INO80E: variants seen among roughly 807,000 people sequenced by gnomAD.
INO80E encodes INO80 complex subunit E, also known as coiled-coil domain containing 95.
Under a neutral mutation model 27.3 loss-of-function variants are expected in INO80E, and 20 were observed. That is an observed-to-expected ratio of 0.73 (90% confidence interval 0.51 to 1.06). The LOEUF (loss-of-function observed/expected upper bound fraction) is 1.06. INO80E is among the 50% of genes least tolerant of loss of function. The pLI is 0.00. For synonymous variants in INO80E, 167 were observed against 145.9 expected, an observed-to-expected ratio of 1.14 and a Z score of -1.04; for missense variants, 357 against 322.8, an observed-to-expected ratio of 1.11 and a Z score of -0.81.
intron 4 of INO80E, 26 bp downstream of exon 4, chr16:30,000,862 C>T (rs1299919522): frequency 6.2e-7 from 1 of 1,611,936 alleles, no homozygotes; most frequent in Non-Finnish European, 8.5e-7. Context: ...ATTCCTCTCG[C>T]TGGGGAGGGT....
rs4389160 is a variant in INO80E, at chr16:30,001,437, A to G, written c.420A>G (p.Pro140=). ...LSSLASSRYP[P]FPSDYLALQL... ...AGCTGGCCTCCTCCCGCTACCCCCC[A>G]TTCCCTTCTGACTACCTGGCCCTGC... The change falls in exon 6 of 7, where the codon CCA becomes CCG. Residue 140 remains proline, a synonymous_variant. Coordinates refer to ENST00000563197, the MANE Select transcript of INO80E (RefSeq NM_173618.3). 2 of 1,608,820 alleles carry G rather than the reference A, an allele frequency of 1.2e-6. No homozygotes were observed. The highest frequency in any genetic ancestry group is 1.1e-5 in the South Asian group (1 of 90,250).
At position 29,996,563 on chromosome 16, in the gene INO80E, A is replaced by G. The variant is rs908520168; in HGVS notation, c.98A>G (p.Gln33Arg). The G allele has an allele frequency of 2.5e-6, 4 of 1,568,868 alleles. No homozygotes were observed. The highest frequency in any genetic ancestry group is 1.4e-5 in the African/African-American group (1 of 73,904). The stretch of plus-strand genomic sequence containing the variant: ...GTGATACAGGAGCACGAGTGCTTCC[A>G]GGAGGAGCTGAGGAAAGCGCAAAGG... ...KFLIYEHECF[Q>R]EELRKAQRKL... The change falls in exon 2 of 7, where the codon CAG becomes CGG. Residue 33 changes from glutamine to arginine, a missense_variant. Physicochemically the swap from Gln to Arg is conservative, Grantham distance 43. Transcript: ENST00000563197.
chr16:29,997,201 T>C (rs560442258), intron 3 of INO80E, among the ~76,000 whole-genome samples: 6 of 152,294 alleles, frequency 3.9e-5, no homozygotes, highest in Non-Finnish European at 7.3e-5. Context: ...AAAACAGTTA[T>C]GCGGTAATGA....
chr16:30,005,653 GTTAT>G lies in INO80E; in HGVS notation c.*215_*218del, dbSNP rs1413446292. The G allele has an allele frequency of 6.8e-6, 4 of 584,488 alleles. No homozygotes were observed. In the African/African-American group the frequency reaches 7.7e-5, roughly 11 times the overall value. The allele number at this position is 584,488 out of a possible 1,614,324, so 36.2% of individuals were successfully genotyped here. A position where few individuals can be genotyped will look rare whatever the true frequency, so the allele number is the denominator to read the frequency against. ...AAACCCCGGCCCCCTCCAGGGGACAGTTATTTAAACGAGTGGCCGGGAGCATCTG... is the reference window on the plus strand; with the variant it reads ...AAACCCCGGCCCCCTCCAGGGGACAGTTAAACGAGTGGCCGGGAGCATCTG... On this transcript the variant is annotated 3_prime_UTR_variant, in exon 7 of 7. Transcript: ENST00000563197.
intron 3 of INO80E, chr16:29,999,333 T>C (rs1271985981): frequency 1.1e-4 from 17 of 152,244 alleles, no homozygotes. Flanking sequence ...GAACCCAGCA[T>C]GTTCATGGCC....
intron 6 of INO80E, among the ~76,000 whole-genome samples, chr16:30,004,900 A>T (rs1306667938): frequency 6.6e-6 from 1 of 151,560 alleles, no homozygotes; most frequent in Non-Finnish European, 1.5e-5. Flanking sequence ...CTCCAGGCCG[A>T]CTCCGCCTCT....
In INO80E at chr16:30,000,852, A is replaced by G; in HGVS notation, c.284+16A>G. ...CCCCTAAGAGGTGAGAAGAAGATGCATTCCTCTCGCTGGGGAGGGTCAGGT... is the reference window on the plus strand; with the variant it reads ...CCCCTAAGAGGTGAGAAGAAGATGCGTTCCTCTCGCTGGGGAGGGTCAGGT... On this transcript the variant is annotated intron_variant, in intron 4 of 6. Transcript: ENST00000563197. 6.2e-7 allele frequency: 1 copy of G among 1,612,536 alleles called. No individual in the cohort carries two copies. The highest frequency in any genetic ancestry group is 8.5e-7 in the Non-Finnish European group (1 of 1,178,522).
Position 30,001,371 on chromosome 16 carries a change from G to A in INO80E, c.397-43G>A, listed in dbSNP as rs760894210. The A allele has an allele frequency of 1.3e-6, 2 of 1,544,316 alleles. No individual in the cohort carries two copies. The highest frequency in any genetic ancestry group is 1.8e-6 in the Non-Finnish European group (2 of 1,139,968). ...GCATTTCTTCCCCCACCCTCACCCC[G>A]GTCCATTCCGCCTCCCATCTCCATC... On this transcript the variant is annotated intron_variant, in intron 5 of 6. Transcript: ENST00000563197.
At chr16:30,000,860 C>T (rs1367539321) in intron 4 of INO80E, 24 bp downstream of exon 4, 5 of 1,612,614 alleles carry the variant, frequency 3.1e-6, no homozygotes, top group African/African-American at 2.7e-5. Context: ...GCATTCCTCT[C>T]GCTGGGGAGG....
rs2070409592 is a variant in INO80E, at chr16:30,003,123, CAG to C, written c.513+1596_513+1597del. 1 of 152,418 alleles carries C rather than the reference CAG, an allele frequency of 6.6e-6. No homozygotes were observed. Among genetic ancestry groups the C allele is most frequent in the Non-Finnish European group, 1.5e-5 (1 of 68,408 alleles). 9.4% of individuals were successfully genotyped at this position (152,418 alleles called of 1,614,324 possible). A position where few individuals can be genotyped will look rare whatever the true frequency, so the allele number is the denominator to read the frequency against. ...TCTGGCTGGGTGCTGAGTCCTGAAG[CAG>C]AGTCATGTCCGGGAGCAAAGTTGTA... On this transcript the variant is annotated intron_variant, in intron 6 of 6. Transcript: ENST00000563197. This position sits in a 1 kb window ranked among gnomAD's most constrained non-coding sequence, Gnocchi z 4.4.
chr16:30,005,318 C>CCCCCCCCCCCAAA lies in INO80E; in HGVS notation c.611_612insCCCCCCCCCCAAA (p.Lys207ProfsTer5). On this transcript the variant is annotated frameshift_variant, in exon 7 of 7. Coordinates refer to ENST00000563197, the MANE Select transcript of INO80E (RefSeq NM_173618.3). LOFTEE classifies it high-confidence loss of function. ...GTCGGGACAACCCTGACCCCCCTCC[C>CCCCCCCCCCCAAA]ACCCCCTAAGATGCCCCCCCCCACG... 7.9e-6 allele frequency: 8 copies of CCCCCCCCCCCAAA among 1,009,752 alleles called. No homozygotes were observed. Among genetic ancestry groups the CCCCCCCCCCCAAA allele is most frequent in the South Asian group, 6.3e-5 (3 of 47,396 alleles). The allele number at this position is 1,009,752 out of a possible 1,614,324, so 62.5% of individuals were successfully genotyped here.
At chr16:29,998,664 C>T (rs1268488237) in intron 3 of INO80E, among the ~76,000 whole-genome samples, 1 of 152,114 alleles carries the variant, frequency 6.6e-6, no homozygotes, top group East Asian at 1.9e-4. Context: ...TTTGAAAAAG[C>T]CCTAAGGTAG....
At chr16:29,999,579 G>A (rs1303380864) in intron 3 of INO80E, 1 of 152,242 alleles carries the variant, frequency 6.6e-6, no homozygotes, top group Non-Finnish European at 1.5e-5. Context: ...GTCTGTCTGA[G>A]CAGAGACATT....
intron 3 of INO80E, 149 bp downstream of exon 3, chr16:29,997,009 C>A: frequency 1.4e-6 from 1 of 733,498 alleles, no homozygotes; most frequent in Non-Finnish European, 2.4e-6. Context: ...ACCGTTCTTT[C>A]ATTCAGGCAC....
Position 30,001,453 on chromosome 16 carries a change from C to G in INO80E, c.436C>G (p.Leu146Val). 6.2e-7 allele frequency: 1 copy of G among 1,612,590 alleles called. No homozygotes were observed. The highest frequency in any genetic ancestry group is 8.5e-7 in the Non-Finnish European group (1 of 1,179,418). Residue 146 changes from leucine (L) to valine (V), a missense_variant, in exon 6 of 7, where the codon CTG becomes GTG. Transcript: ENST00000563197. ...CTACCCCCCATTCCCTTCTGACTAC[C>G]TGGCCCTGCAGCTGCCCGAGCCCAG... is the stretch of plus-strand genomic sequence containing the variant. ...SRYPPFPSDY[L>V]ALQLPEPSPL...
chr16:30,000,955 C>T lies in INO80E; in HGVS notation c.311C>T (p.Ala104Val), dbSNP rs781594991. Residue 104 changes from alanine to valine, a missense_variant, in exon 5 of 7, where the codon GCC becomes GTC. By Grantham distance (64) the Ala-to-Val change is moderately conservative (BLOSUM62 0). Transcript: ENST00000563197. ...AAGAGAAGCCCTCCGCTGGGGGGCG[C>T]CCCCTCTCCCTCCAGCCTCTCCCTG... Reference protein sequence around the residue: ...KRKRSPPLGGAPSPSSLSLPP... With the variant: ...KRKRSPPLGGVPSPSSLSLPP... 1.1e-5 allele frequency: 17 copies of T among 1,580,942 alleles called. No homozygotes were observed. Among genetic ancestry groups the T allele is most frequent in the Non-Finnish European group, 1.5e-5 (17 of 1,160,062 alleles).
chr16:30,005,417 A>G lies in INO80E; in HGVS notation c.710A>G (p.Asp237Gly). ...SGDDALDGDD[D>G]LVIDIPE is the part of the protein sequence containing the mutation. ...GACGATGCCTTGGATGGAGACGATG[A>G]CCTGGTGATCGACATCCCGGAGTGA... is the stretch of plus-strand genomic sequence containing the variant. The change falls in exon 7 of 7, where the codon GAC becomes GGC. Residue 237 changes from aspartate (D) to glycine (G), a missense_variant. Transcript: ENST00000563197. 6.2e-7 allele frequency: 1 copy of G among 1,602,474 alleles called. No individual in the cohort carries two copies. The highest frequency in any genetic ancestry group is 1.7e-5 in the Admixed American group (1 of 59,026).
At chr16:29,997,820 A>T (rs999642469) in intron 3 of INO80E, among the ~76,000 whole-genome samples, 52 of 151,566 alleles carry the variant, frequency 3.4e-4, no homozygotes, top group African/African-American at 1.1e-3. Context: ...CAACCTCTGA[A>T]TGGAGTACTC....
Position 30,000,956 on chromosome 16 carries a change from C to T in INO80E, c.312C>T (p.Ala104=). ...AGAGAAGCCCTCCGCTGGGGGGCGC[C>T]CCCTCTCCCTCCAGCCTCTCCCTGC... ...KRKRSPPLGG[A]PSPSSLSLPP... is the part of the protein sequence containing the mutation. The change falls in exon 5 of 7, where the codon GCC becomes GCT. Residue 104 remains alanine, a synonymous_variant. Transcript: ENST00000563197. 2.5e-6 allele frequency: 4 copies of T among 1,581,236 alleles called. No homozygotes were observed. The highest frequency in any genetic ancestry group is 3.4e-6 in the Non-Finnish European group (4 of 1,160,172).
Sources: gnomAD v4.1 joint callset for allele counts (sites outside exome capture counted in the v4.1 genomes callset) on GRCh38, gnomAD v4.1.1 for gene constraint, Gnocchi (gnomAD v3.1) non-coding constraint, MANE v1.5 for transcripts, NCBI Gene and HGNC (gene_info 2026-07-23, HGNC 2026-07-21) for gene names.